The following KIF2A variants were observed in gnomAD, a reference collection of about 807,000 sequenced individuals.
The protein encoded by KIF2A is kinesin-like protein KIF2A.
A neutral mutation model predicts 100.2 loss-of-function variants in KIF2A; 22 were observed. The ratio of observed to expected loss-of-function variants is 0.22; its 90% CI spans 0.16 to 0.31. The LOEUF is 0.31. KIF2A is among the 10% of genes least tolerant of loss of function. The probability of loss-of-function intolerance (pLI) is 1.00; values close to 1 mark genes in which losing one functional copy is unlikely to be tolerated. For missense variants in KIF2A, 495 were observed against 898.7 expected (o/e 0.55, Z 5.74); for synonymous variants, 268 against 285.9 (o/e 0.94, Z 0.63).
intron 1 of KIF2A, among the ~76,000 whole-genome samples, chr5:62,331,780 A>T (rs1746667994): frequency 6.6e-6 from 1 of 150,552 alleles, no homozygotes; most frequent in Non-Finnish European, 1.5e-5. Context: ...AAAAAACAAC[A>T]TAGAGTTTGT....
At chr5:62,324,800 T>C (rs932076301) in intron 1 of KIF2A, among the ~76,000 whole-genome samples, 1 of 151,924 alleles carries the variant, frequency 6.6e-6, no homozygotes, top group African/African-American at 2.4e-5. Flanking sequence ...ATTGGCCTTA[T>C]CAAAGAATGT....
At chr5:62,351,068 C>T (rs1163290235) in intron 4 of KIF2A, among the ~76,000 whole-genome samples, 1 of 151,592 alleles carries the variant, frequency 6.6e-6, no homozygotes, top group Non-Finnish European at 1.5e-5. Flanking sequence ...TCCATCTCTA[C>T]TAAAAATACA....
chr5:62,336,475 C>G (rs1746952182), intron 1 of KIF2A, among the ~76,000 whole-genome samples: 1 of 152,136 alleles, frequency 6.6e-6, no homozygotes, highest in African/African-American at 2.4e-5. Context: ...GTTATCTCAC[C>G]TTTAGAAATC....
In KIF2A at chr5:62,306,400, C is replaced by G; in HGVS notation, c.-73C>G. On this transcript the variant is annotated 5_prime_UTR_variant, in exon 1 of 21. Coordinates refer to ENST00000407818, the MANE Select transcript of KIF2A (RefSeq NM_001098511.3). ...CAACCGCTCCCCCTCCCACACCTAC[C>G]CCGCCCCCTCCCCGCCTTTTCCGCC... is the stretch of plus-strand genomic sequence containing the variant. The G allele has an allele frequency of 1.1e-6, 1 of 927,410 alleles. No individual in the cohort carries two copies. The highest frequency in any genetic ancestry group is 1.7e-6 in the Non-Finnish European group (1 of 595,908). The allele number at this position is 927,410 out of a possible 1,614,324, so 57.4% of individuals were successfully genotyped here. A position where few individuals can be genotyped will look rare whatever the true frequency, so the allele number is the denominator to read the frequency against.
At chr5:62,343,947 A>C (rs1005591029) in intron 1 of KIF2A, among the ~76,000 whole-genome samples, 23 of 152,222 alleles carry the variant, frequency 1.5e-4, no homozygotes, top group African/African-American at 5.5e-4. Context: ...TGAAGTGAGT[A>C]GAGAAGCATA....
intron 7 of KIF2A, among the ~76,000 whole-genome samples, chr5:62,357,018 T>C (rs984968810): frequency 9.9e-5 from 15 of 151,742 alleles, no homozygotes; most frequent in South Asian, 2.1e-4. Context: ...ACTCCTGACC[T>C]CAAGTGATCC....
chr5:62,365,268 A>G lies in KIF2A; in HGVS notation c.1493A>G (p.Asn498Ser), dbSNP rs754604635. 6.2e-7 allele frequency: 1 copy of G among 1,605,944 alleles called. No individual in the cohort carries two copies. Among genetic ancestry groups the G allele is most frequent in the Admixed American group, 1.7e-5 (1 of 59,166 alleles). Residue 498 changes from asparagine (N) to serine (S), a missense_variant, in exon 15 of 21, where the codon AAT becomes AGT. Physicochemically the swap from Asn to Ser is conservative, Grantham distance 46. Transcript: ENST00000407818. ...GAGTGCATCAGAGCCTTAGGTAGAA[A>G]TAAACCTCATACTCCTTTCCGTGCA... ...LKECIRALGR[N>S]KPHTPFRASK...
chr5:62,382,785 C>T (rs938301801), intron 20 of KIF2A, among the ~76,000 whole-genome samples: 5 of 151,948 alleles, frequency 3.3e-5, no homozygotes, highest in Non-Finnish European at 5.9e-5. Flanking sequence ...AGGCACGCGC[C>T]ACAATGCACA....
chr5:62,358,337 T>G, intron 9 of KIF2A, 38 bp downstream of exon 9: 3 of 1,423,184 alleles, frequency 2.1e-6, no homozygotes, highest in Non-Finnish European at 2.8e-6. Context: ...TTTGTTCTTA[T>G]GCCATGTGGT....
At chr5:62,314,380 G>A (rs965411255) in intron 1 of KIF2A, among the ~76,000 whole-genome samples, 1 of 151,956 alleles carries the variant, frequency 6.6e-6, no homozygotes, top group African/African-American at 2.4e-5. Context: ...GGGAGGACTG[G>A]TTGAGCCCAG....
chr5:62,361,157 A>G (rs188404865), intron 9 of KIF2A, 85 bp from the exon 10 acceptor site: 2 of 586,034 alleles, frequency 3.4e-6, no homozygotes, highest in Admixed American at 7.3e-5. Context: ...TTTATTTATT[A>G]ATAAAATACT....
chr5:62,347,946 A>G (rs191470222), intron 2 of KIF2A, 102 bp from the exon 3 acceptor site: 33 of 1,288,970 alleles, frequency 2.6e-5, no homozygotes, highest in Middle Eastern at 3.9e-4. Context: ...TCATTAGGCT[A>G]AAGTAATTTA....
intron 1 of KIF2A, among the ~76,000 whole-genome samples, chr5:62,316,006 ATC>A (rs1745803472): frequency 6.6e-6 from 1 of 152,206 alleles, no homozygotes; most frequent in Non-Finnish European, 1.5e-5. Flanking sequence ...TAGCTTTTAA[ATC>A]TCTTCAGTTT....
At position 62,388,543 on chromosome 5, in the gene KIF2A, T is replaced by C. The variant is rs1742145081; in HGVS notation, c.*2974T>C. On this transcript the variant is annotated 3_prime_UTR_variant, in exon 21 of 21. Transcript: ENST00000407818. The stretch of plus-strand genomic sequence containing the variant: ...TAAAAATAATTTAAGAAACAATTGT[T>C]TTACTGTACATGTGAATAACAAGAA... The C allele has an allele frequency of 6.5e-6, 1 of 154,346 alleles. No individual in the cohort carries two copies. The allele number at this position is 154,346 out of a possible 1,614,324, so 9.6% of individuals were successfully genotyped here.
At chr5:62,373,884 C>T (rs375051243) in intron 18 of KIF2A, 47 bp downstream of exon 18, 6 of 1,428,520 alleles carry the variant, frequency 4.2e-6, no homozygotes, top group East Asian at 2.3e-5. Flanking sequence ...TTCATTTCAT[C>T]AGTAGCAGAA....
intron 1 of KIF2A, among the ~76,000 whole-genome samples, chr5:62,323,377 G>A (rs1439171511): frequency 6.6e-6 from 1 of 151,942 alleles, no homozygotes; most frequent in African/African-American, 2.4e-5. Flanking sequence ...CAAAAAATTA[G>A]CCGGGCGCGG....
At position 62,377,843 on chromosome 5, in the gene KIF2A, A is replaced by G. The variant is rs464058; in HGVS notation, c.2013+81A>G. 0.25 allele frequency: 193,726 copies of G among 775,798 alleles called. 24,889 individuals are homozygous for G. Among genetic ancestry groups the G allele is most frequent in the Middle Eastern group, 0.28 (1,033 of 3,690 alleles). 48.1% of individuals were successfully genotyped at this position (775,798 alleles called of 1,614,324 possible). A position where few individuals can be genotyped will look rare whatever the true frequency, so the allele number is the denominator to read the frequency against. ...GTCATAATTCCTTAAATATCACACT[A>G]TTCCTTAAAAAATACTTGTTTGTAT... On this transcript the variant is annotated intron_variant, in intron 19 of 20. Coordinates refer to ENST00000407818, the MANE Select transcript of KIF2A (RefSeq NM_001098511.3).
intron 1 of KIF2A, among the ~76,000 whole-genome samples, chr5:62,312,978 T>C (rs1326633049): frequency 6.6e-6 from 1 of 152,230 alleles, no homozygotes; most frequent in Non-Finnish European, 1.5e-5. Flanking sequence ...CTTAAGTGAT[T>C]ATGACATATC....
In KIF2A at chr5:62,308,069, A is replaced by G. The variant is rs552414510; in HGVS notation, c.64+1533A>G. On this transcript the variant is annotated intron_variant, in intron 1 of 20. Transcript: ENST00000407818. ...GATTTTCATGTTGTGTGTATGATAT[A>G]TTGGAAGACCCTATATAGCTAATGA... Among the ~76,000 whole-genome samples the G allele has an allele frequency of 6.6e-5, 10 of 152,342 alleles. No individual in the cohort carries two copies. In the East Asian group the frequency reaches 9.6e-4, roughly 15 times the overall value.
Sources: allele counts gnomAD v4.1 joint callset (sites outside exome capture counted in the v4.1 genomes callset), GRCh38; gene constraint gnomAD v4.1.1; transcripts MANE v1.5; gene names NCBI Gene and HGNC (gene_info 2026-07-23, HGNC 2026-07-21).